The following UNC5D variants were observed in gnomAD, a reference collection of about 807,000 sequenced individuals.
UNC5D encodes the protein netrin receptor UNC5D.
Under a neutral mutation model 105.4 loss-of-function variants are expected in UNC5D, and 39 were observed. The observed-to-expected ratio is 0.37, with a 90% CI of 0.29 to 0.48. The LOEUF (loss-of-function observed/expected upper bound fraction) is 0.48, where lower values mean the gene tolerates loss of function less well. UNC5D is among the 20% of genes least tolerant of loss of function. The probability of loss-of-function intolerance (pLI) is 0.98; values close to 1 mark genes in which losing one functional copy is unlikely to be tolerated. For synonymous variants in UNC5D, 452 were observed against 450.4 expected, an observed-to-expected ratio of 1.00 and a Z score of -0.04; for missense variants, 991 against 1,202.4, an observed-to-expected ratio of 0.82 and a Z score of 2.60.
At chr8:35,406,247 T>A (rs1204982757) in intron 1 of UNC5D, among the ~76,000 whole-genome samples, 1 of 152,184 alleles carries the variant, frequency 6.6e-6, no homozygotes, top group Non-Finnish European at 1.5e-5. Context: ...AACCAAAAGA[T>A]GACAATACTT....
At chr8:35,387,091 T>G (rs1038784486) in intron 1 of UNC5D, among the ~76,000 whole-genome samples, 6 of 151,722 alleles carry the variant, frequency 4.0e-5, no homozygotes, top group African/African-American at 1.5e-4. Context: ...CCGGACGCAG[T>G]GGCTCACACC....
At chr8:35,255,332 C>T (rs1169364700) in intron 1 of UNC5D, 1 of 152,098 alleles carries the variant, frequency 6.6e-6, no homozygotes, top group African/African-American at 2.4e-5. Context: ...TAGACGCACC[C>T]ATCCATCATA....
chr8:35,315,562 C>T (rs998407912), intron 1 of UNC5D, among the ~76,000 whole-genome samples: 6 of 152,278 alleles, frequency 3.9e-5, no homozygotes, highest in African/African-American at 1.4e-4. Context: ...CAATCACATT[C>T]CAAGTCTCTG....
In UNC5D at chr8:35,537,152, T is replaced by C. The variant is rs143902865; in HGVS notation, c.104-12140T>C. On this transcript the variant is annotated intron_variant, in intron 1 of 16. Transcript: ENST00000404895. ...CTTAAAACTGTGTAAAACATAAAAC[T>C]TAAATGATAAAAATATGAATAAACA... is the stretch of plus-strand genomic sequence containing the variant. 1.1e-3 allele frequency among the ~76,000 whole-genome samples: 168 copies of C among 152,194 alleles called. 3 individuals are homozygous for C. The East Asian group carries it at 0.029, about 27-fold the overall frequency.
At chr8:35,369,532 G>C (rs753193364) in intron 1 of UNC5D, among the ~76,000 whole-genome samples, 31 of 152,302 alleles carry the variant, frequency 2.0e-4, no homozygotes, top group Non-Finnish European at 4.1e-4. Flanking sequence ...TCCATATTAA[G>C]TTTGTGAATC....
chr8:35,761,500 A>G (rs966393673), intron 14 of UNC5D, among the ~76,000 whole-genome samples: 2 of 152,192 alleles, frequency 1.3e-5, no homozygotes, highest in South Asian at 2.1e-4. Context: ...GTTGACTTTC[A>G]AGAAAACCCA....
chr8:35,385,756 C>T (rs757565981), intron 1 of UNC5D, among the ~76,000 whole-genome samples: 12 of 152,200 alleles, frequency 7.9e-5, no homozygotes, highest in Admixed American at 2.6e-4. Context: ...TGAACCCCCA[C>T]GCCCGGCCTA....
intron 4 of UNC5D, among the ~76,000 whole-genome samples, chr8:35,631,709 T>C (rs1479288442): frequency 6.6e-6 from 1 of 152,184 alleles, no homozygotes; most frequent in African/African-American, 2.4e-5. Context: ...TTTTGCTCCC[T>C]GGAACTCAGT....
At chr8:35,724,226 C>T in intron 9 of UNC5D, 1 of 1,526,268 alleles carries the variant, frequency 6.6e-7, no homozygotes, top group Non-Finnish European at 8.8e-7. Flanking sequence ...CTTACCTGAC[C>T]ATTTTGTTTT....
intron 1 of UNC5D, among the ~76,000 whole-genome samples, chr8:35,301,858 A>T (rs1807984056): frequency 1.3e-5 from 2 of 152,182 alleles, no homozygotes; most frequent in Admixed American, 1.3e-4. Context: ...AAAAAGAATG[A>T]AGGAAATGGA....
At chr8:35,727,850 AC>A (rs1166190720) in intron 10 of UNC5D, 6 of 152,004 alleles carry the variant, frequency 3.9e-5, no homozygotes, top group Non-Finnish European at 8.8e-5. Flanking sequence ...TTACCAATTA[AC>A]TTTTCTGTAA....
At chr8:35,739,437 C>G (rs544383658) in intron 11 of UNC5D, among the ~76,000 whole-genome samples, 1 of 152,264 alleles carries the variant, frequency 6.6e-6, no homozygotes, top group African/African-American at 2.4e-5. Flanking sequence ...ACCTCAAACC[C>G]CCTCAGTCCA....
At chr8:35,767,730 G>A (rs1419982785) in intron 15 of UNC5D, among the ~76,000 whole-genome samples, 1 of 152,168 alleles carries the variant, frequency 6.6e-6, no homozygotes, top group East Asian at 1.9e-4. Context: ...GTATTGGAAG[G>A]TAGAGTTACA....
At chr8:35,340,786 G>T (rs1311622676) in intron 1 of UNC5D, among the ~76,000 whole-genome samples, 5 of 151,968 alleles carry the variant, frequency 3.3e-5, no homozygotes, top group African/African-American at 7.3e-5. Flanking sequence ...AGGATTTGTT[G>T]GTTTATTTCC....
chr8:35,734,782 A>ATT (rs1171276656), intron 11 of UNC5D, among the ~76,000 whole-genome samples: 1,616 of 126,690 alleles, frequency 0.013, 71 homozygotes, highest in African/African-American at 0.048. Flanking sequence ...CACACTTTAA[A>ATT]TTTTTTTTTT....
intron 4 of UNC5D, among the ~76,000 whole-genome samples, chr8:35,641,514 G>A (rs1822741246): frequency 6.6e-6 from 1 of 152,006 alleles, no homozygotes; most frequent in African/African-American, 2.4e-5. Flanking sequence ...CTCTTGGTGA[G>A]AATACATAGA....
At chr8:35,687,249 C>T (rs1332020606) in intron 7 of UNC5D, among the ~76,000 whole-genome samples, 1 of 152,084 alleles carries the variant, frequency 6.6e-6, no homozygotes, top group East Asian at 1.9e-4. Flanking sequence ...CGAGACCATC[C>T]TGGCTAACAA....
chr8:35,557,242 A>G (rs1003328202), intron 2 of UNC5D, among the ~76,000 whole-genome samples: 2 of 152,192 alleles, frequency 1.3e-5, no homozygotes, highest in African/African-American at 4.8e-5. Flanking sequence ...GATTAATTCT[A>G]ATCTCTTGTG....
chr8:35,768,804 G>A (rs138834265), intron 15 of UNC5D, among the ~76,000 whole-genome samples: 69 of 152,304 alleles, frequency 4.5e-4, no homozygotes, highest in African/African-American at 1.4e-3. Flanking sequence ...ATGCCTTGCA[G>A]AAGATAACAT....
Sources: allele counts gnomAD v4.1 joint callset (sites outside exome capture counted in the v4.1 genomes callset), GRCh38; gene constraint gnomAD v4.1.1; transcripts MANE v1.5; gene names NCBI Gene and HGNC (gene_info 2026-07-23, HGNC 2026-07-21).